The following ABL2 variants were observed in gnomAD, a reference collection of about 807,000 sequenced individuals.
ABL2 encodes the protein ABL proto-oncogene 2, non-receptor tyrosine kinase, also known as tyrosine-protein kinase ABL2.
ABL2 carries 49 observed loss-of-function variants against 107.7 expected under a neutral mutation model. The observed-to-expected ratio is 0.45, with a 90% CI of 0.36 to 0.58. ABL2 has a LOEUF of 0.58. ABL2 is among the 20% of genes least tolerant of loss of function. The probability of loss-of-function intolerance (pLI) is 0.00; values close to 1 mark genes in which losing one functional copy is unlikely to be tolerated. For missense variants in ABL2, 1,245 were observed against 1,457.0 expected, an observed-to-expected ratio of 0.85 and a Z score of 2.37; for synonymous variants, 549 against 548.6, an observed-to-expected ratio of 1.00 and a Z score of -0.01.
chr1:179,223,323 G>C (rs1256322657), intron 1 of ABL2, among the ~76,000 whole-genome samples: 4 of 151,484 alleles, frequency 2.6e-5, no homozygotes. Flanking sequence ...GGCTGAGTCA[G>C]GAATGGCTTC....
At chr1:179,193,901 A>AT (rs1661163389) in intron 1 of ABL2, among the ~76,000 whole-genome samples, 1 of 151,876 alleles carries the variant, frequency 6.6e-6, no homozygotes, top group African/African-American at 2.4e-5. Context: ...GGCCCAGCTA[A>AT]TTTTTTGTAT....
At chr1:179,182,099 T>G (rs919674901) in intron 1 of ABL2, among the ~76,000 whole-genome samples, 2 of 151,816 alleles carry the variant, frequency 1.3e-5, no homozygotes, top group Non-Finnish European at 2.9e-5. Flanking sequence ...ACCCAGCCTA[T>G]CTTCAAACTA....
chr1:179,201,614 G>A, intron 1 of ABL2: 1 of 424,982 alleles, frequency 2.4e-6, no homozygotes, highest in Admixed American at 3.1e-5. Flanking sequence ...TGCCTTCCTT[G>A]GCTGCCTACA....
chr1:179,188,114 C>T (rs1193949397), intron 1 of ABL2, among the ~76,000 whole-genome samples: 1 of 152,194 alleles, frequency 6.6e-6, no homozygotes, highest in East Asian at 1.9e-4. Context: ...ACTGTAAATA[C>T]AGTCTCCAGA....
intron 1 of ABL2, chr1:179,221,196 C>A (rs1472758309): frequency 4.5e-5 from 10 of 220,862 alleles, no homozygotes; most frequent in Non-Finnish European, 8.5e-5. Context: ...GGCCAACGGG[C>A]TAAAAGAGAA....
At chr1:179,154,447 C>A (rs1365714712) in intron 1 of ABL2, among the ~76,000 whole-genome samples, 1 of 152,180 alleles carries the variant, frequency 6.6e-6, no homozygotes, top group Non-Finnish European at 1.5e-5. Flanking sequence ...TTATTATATT[C>A]GGAAACTCTG....
intron 1 of ABL2, chr1:179,196,450 C>A (rs1661314425): frequency 6.6e-6 from 1 of 152,138 alleles, no homozygotes; most frequent in African/African-American, 2.4e-5. Context: ...TGAGAAAAAT[C>A]CCTTTAAGAT....
At chr1:179,212,642 A>G (rs1662337174) in intron 1 of ABL2, among the ~76,000 whole-genome samples, 1 of 152,046 alleles carries the variant, frequency 6.6e-6, no homozygotes, top group Non-Finnish European at 1.5e-5. Context: ...CTGAGGCAGG[A>G]GAATTGCTTG....
chr1:179,227,435 T>C (rs1472555142), intron 1 of ABL2, among the ~76,000 whole-genome samples: 2 of 152,210 alleles, frequency 1.3e-5, no homozygotes, highest in Non-Finnish European at 2.9e-5. Context: ...TTGTTTCTTC[T>C]ACCCAAATTG....
intron 1 of ABL2, among the ~76,000 whole-genome samples, chr1:179,218,409 C>CT (rs147150015): frequency 0.34 from 52,145 of 151,826 alleles, 9,389 homozygotes; most frequent in East Asian, 0.48. Flanking sequence ...CTTTTCTTTT[C>CT]TTTTTTTGAG....
chr1:179,149,846 C>A (rs1329385369), intron 1 of ABL2, among the ~76,000 whole-genome samples: 1 of 152,208 alleles, frequency 6.6e-6, no homozygotes, highest in Non-Finnish European at 1.5e-5. Flanking sequence ...TCACTTGGTA[C>A]ATTTAATGAT....
At chr1:179,200,791 T>C (rs996290138) in intron 1 of ABL2, among the ~76,000 whole-genome samples, 4 of 152,150 alleles carry the variant, frequency 2.6e-5, no homozygotes, top group Admixed American at 6.5e-5. Context: ...CAAAGGGATA[T>C]AAAGCAAAAT....
intron 1 of ABL2, among the ~76,000 whole-genome samples, chr1:179,189,983 G>A (rs1380543242): frequency 6.6e-6 from 1 of 152,086 alleles, no homozygotes; most frequent in Non-Finnish European, 1.5e-5. Context: ...ACCATGACGG[G>A]CTAATTTTGT....
chr1:179,174,290 AT>A (rs1659898372), intron 1 of ABL2, among the ~76,000 whole-genome samples: 2 of 151,004 alleles, frequency 1.3e-5, no homozygotes, highest in Admixed American at 6.6e-5. Flanking sequence ...TCTGTCTCCA[AT>A]AAAAAAAAAA....
At chr1:179,205,317 G>A (rs1274309764) in intron 1 of ABL2, among the ~76,000 whole-genome samples, 1 of 152,076 alleles carries the variant, frequency 6.6e-6, no homozygotes, top group Non-Finnish European at 1.5e-5. Flanking sequence ...AAGCCACTGC[G>A]CCCGGCCCAT....
At chr1:179,185,963 G>A (rs1210188843) in intron 1 of ABL2, among the ~76,000 whole-genome samples, 1 of 152,040 alleles carries the variant, frequency 6.6e-6, no homozygotes, top group East Asian at 1.9e-4. Context: ...AATTAGCAAT[G>A]GGCCGGGCGC....
At position 179,108,538 on chromosome 1, in the gene ABL2, T is replaced by C; in HGVS notation, c.2729A>G (p.Gln910Arg). ...GMAGVPEDGEQPGWPSPAKAA... is the reference protein window; with the variant it reads ...GMAGVPEDGERPGWPSPAKAA... ...CTTGGCTGGAGAAGGCCAGCCCGGC[T>C]GCTCTCCATCCTCTGGAACTCCAGC... The change falls in exon 12 of 12, where the codon CAG (glutamine) becomes CGG (arginine). Residue 910 changes from glutamine (Q) to arginine (R), a missense_variant. Gln to Arg is a conservative substitution (Grantham distance 43). Transcript: ENST00000502732. 1 of 1,614,166 alleles carries C rather than the reference T, an allele frequency of 6.2e-7. No homozygotes were observed. Among genetic ancestry groups the C allele is most frequent in the South Asian group, 1.1e-5 (1 of 91,088 alleles).
At chr1:179,223,037 G>A (rs955028828) in intron 1 of ABL2, among the ~76,000 whole-genome samples, 1 of 150,232 alleles carries the variant, frequency 6.7e-6, no homozygotes, top group Non-Finnish European at 1.5e-5. Context: ...TTGAACCCAG[G>A]AGGAGGAGGT....
chr1:179,170,911 T>C (rs1455165612), intron 1 of ABL2, among the ~76,000 whole-genome samples: 1 of 152,138 alleles, frequency 6.6e-6, no homozygotes, highest in Non-Finnish European at 1.5e-5. Context: ...TTGTATTTTT[T>C]AGTAGAGACA....
Sources: allele counts gnomAD v4.1 joint callset (sites outside exome capture counted in the v4.1 genomes callset), GRCh38; gene constraint gnomAD v4.1.1; transcripts MANE v1.5; gene names NCBI Gene and HGNC (gene_info 2026-07-23, HGNC 2026-07-21).